The following ASIC2 variants were observed in gnomAD, a reference collection of about 807,000 sequenced individuals.
The protein encoded by ASIC2 is acid sensing ion channel subunit 2.
Under a neutral mutation model 57.3 loss-of-function variants are expected in ASIC2, and 25 were observed. The observed-to-expected ratio is 0.44, with a 90% confidence interval of 0.32 to 0.61. ASIC2 has a LOEUF of 0.61. Ranked by LOEUF, ASIC2 falls within the 20% of genes least tolerant of loss-of-function variation. The pLI is 0.06. For synonymous variants in ASIC2, 319 were observed against 307.5 expected (o/e 1.04, Z -0.39); for missense variants, 641 against 738.1 (o/e 0.87, Z 1.52).
intron 1 of ASIC2, among the ~76,000 whole-genome samples, chr17:33,687,248 G>A (rs559319009): frequency 2.0e-5 from 3 of 152,264 alleles, no homozygotes; most frequent in East Asian, 1.9e-4. Flanking sequence ...GTTCATGAAC[G>A]GAGTGGCGTC....
At chr17:33,455,555 G>A (rs1483710981) in intron 1 of ASIC2, among the ~76,000 whole-genome samples, 1 of 152,218 alleles carries the variant, frequency 6.6e-6, no homozygotes, top group Admixed American at 6.5e-5. Flanking sequence ...ATATTCCATG[G>A]TGAATATGCA....
At chr17:33,482,065 T>C (rs960063199) in intron 1 of ASIC2, among the ~76,000 whole-genome samples, 3 of 152,254 alleles carry the variant, frequency 2.0e-5, no homozygotes, top group Non-Finnish European at 4.4e-5. Context: ...TGGTCTCTCC[T>C]CTCATGTGGT....
intron 1 of ASIC2, among the ~76,000 whole-genome samples, chr17:33,454,328 T>G (rs1407228592): frequency 1.3e-5 from 2 of 152,148 alleles, no homozygotes; most frequent in Non-Finnish European, 2.9e-5. Flanking sequence ...GAACCAGAAA[T>G]AGCCCAGAGA....
At chr17:33,510,925 C>T (rs187879393) in intron 1 of ASIC2, among the ~76,000 whole-genome samples, 2 of 152,360 alleles carry the variant, frequency 1.3e-5, no homozygotes, top group East Asian at 1.9e-4. Context: ...GGGGGTCATG[C>T]ACCCTCCGCA....
At chr17:33,919,016 G>C (rs1423201829) in intron 1 of ASIC2, among the ~76,000 whole-genome samples, 1 of 152,148 alleles carries the variant, frequency 6.6e-6, no homozygotes. Flanking sequence ...GTGAAGGATT[G>C]GGGGGTGTGC....
At chr17:33,205,134 C>A (rs1025388584) in intron 1 of ASIC2, among the ~76,000 whole-genome samples, 1 of 152,236 alleles carries the variant, frequency 6.6e-6, no homozygotes, top group African/African-American at 2.4e-5. Context: ...GTGGAGTCTG[C>A]AGTTTCCTCT....
At chr17:33,133,719 G>T (rs2092356796) in intron 1 of ASIC2, among the ~76,000 whole-genome samples, 1 of 152,112 alleles carries the variant, frequency 6.6e-6, no homozygotes, top group South Asian at 2.1e-4. Flanking sequence ...GTGATCTCCC[G>T]GGTGAGGCAT....
intron 1 of ASIC2, among the ~76,000 whole-genome samples, chr17:33,516,730 C>T (rs1045114746): frequency 6.6e-6 from 1 of 152,200 alleles, no homozygotes; most frequent in African/African-American, 2.4e-5. Context: ...TTGGAGGTGC[C>T]TGGCTTAGTA....
chr17:33,528,108 C>T (rs913085012), intron 1 of ASIC2, among the ~76,000 whole-genome samples: 1 of 150,110 alleles, frequency 6.7e-6, no homozygotes, highest in African/African-American at 2.5e-5. Context: ...TTACCACGCC[C>T]TCGTAGGAGG....
At chr17:33,163,679 G>A (rs1225640160) in intron 1 of ASIC2, among the ~76,000 whole-genome samples, 4 of 152,160 alleles carry the variant, frequency 2.6e-5, no homozygotes, top group East Asian at 1.9e-4. Context: ...TAAAACAGAT[G>A]TAAGAATGTG....
chr17:33,632,252 A>G (rs1447925158), intron 1 of ASIC2, among the ~76,000 whole-genome samples: 1 of 152,230 alleles, frequency 6.6e-6, no homozygotes, highest in Non-Finnish European at 1.5e-5. Context: ...GATTCATTGC[A>G]TTTAAGAATG....
intron 1 of ASIC2, among the ~76,000 whole-genome samples, chr17:33,305,962 C>T (rs975386765): frequency 6.6e-6 from 1 of 152,190 alleles, no homozygotes; most frequent in Non-Finnish European, 1.5e-5. Flanking sequence ...TTATTCGATA[C>T]ATGGCTCAAT....
chr17:33,544,515 C>G (rs1282537318), intron 1 of ASIC2, among the ~76,000 whole-genome samples: 1 of 152,174 alleles, frequency 6.6e-6, no homozygotes, highest in East Asian at 1.9e-4. Flanking sequence ...CAGCATTGCA[C>G]TGAAGGTTTT....
At chr17:33,611,459 G>C (rs959978350) in intron 1 of ASIC2, among the ~76,000 whole-genome samples, 1 of 152,178 alleles carries the variant, frequency 6.6e-6, no homozygotes, top group Non-Finnish European at 1.5e-5. Flanking sequence ...AGTTGTTGCT[G>C]ATAACAAAAA....
At chr17:33,574,108 G>A (rs1465179861) in intron 1 of ASIC2, among the ~76,000 whole-genome samples, 2 of 152,204 alleles carry the variant, frequency 1.3e-5, no homozygotes, top group Non-Finnish European at 2.9e-5. Flanking sequence ...TCGTTTAGGT[G>A]TATCTTTGAC....
intron 1 of ASIC2, among the ~76,000 whole-genome samples, chr17:33,227,617 G>A (rs1415664855): frequency 6.6e-6 from 1 of 152,146 alleles, no homozygotes; most frequent in East Asian, 1.9e-4. Context: ...AGGCCCTGTA[G>A]TTAAGGAACA....
intron 1 of ASIC2, among the ~76,000 whole-genome samples, chr17:33,674,715 C>T (rs563247974): frequency 7.9e-5 from 12 of 152,154 alleles, no homozygotes; most frequent in African/African-American, 1.2e-4. Flanking sequence ...AAATCCATGC[C>T]GCTCGTTCTG....
intron 1 of ASIC2, among the ~76,000 whole-genome samples, chr17:33,120,081 TACA>T (rs1308631319): frequency 2.0e-5 from 3 of 152,242 alleles, no homozygotes; most frequent in Non-Finnish European, 4.4e-5. Flanking sequence ...CCCAAGGTCC[TACA>T]GCTAAAGAGT....
intron 1 of ASIC2, among the ~76,000 whole-genome samples, chr17:33,117,717 TG>T (rs565190238): frequency 2.0e-4 from 30 of 152,236 alleles, no homozygotes; most frequent in Non-Finnish European, 3.8e-4. Flanking sequence ...TTTTGCAAAC[TG>T]GGCAAGGTAA....
Sources: gnomAD v4.1 joint callset for allele counts (sites outside exome capture counted in the v4.1 genomes callset) on GRCh38, gnomAD v4.1.1 for gene constraint, MANE v1.5 for transcripts, NCBI Gene and HGNC (gene_info 2026-07-23, HGNC 2026-07-21) for gene names.